ABHD3: variants seen among roughly 807,000 people sequenced by gnomAD.
ABHD3 encodes the protein phospholipase ABHD3.
In ABHD3, 46 loss-of-function variants were observed where a neutral mutation model predicts 48.8. The ratio of observed to expected loss-of-function variants is 0.94; its 90% CI spans 0.74 to 1.20. The LOEUF (loss-of-function observed/expected upper bound fraction) is 1.20, where lower values mean the gene tolerates loss of function less well. Among genes scored for constraint, ABHD3 ranks in the 50% most tolerant of loss-of-function variants. The pLI is 0.00. For synonymous variants in ABHD3, 192 were observed against 183.7 expected (o/e 1.04, Z -0.36); for missense variants, 490 against 497.8 (o/e 0.98, Z 0.15).
At chr18:21,685,583 C>T (rs377144642) in intron 3 of ABHD3, among the ~76,000 whole-genome samples, 164 of 152,330 alleles carry the variant, frequency 1.1e-3, no homozygotes, top group African/African-American at 3.5e-3. Context: ...GGCTGGAGTG[C>T]GGTGGCGCGG....
intron 3 of ABHD3, among the ~76,000 whole-genome samples, chr18:21,698,379 G>A (rs987540911): frequency 4.0e-5 from 6 of 151,612 alleles, no homozygotes; most frequent in Non-Finnish European, 5.9e-5. Context: ...TAGAGACGGG[G>A]TTTCACCATG....
intron 4 of ABHD3, among the ~76,000 whole-genome samples, chr18:21,677,306 T>C (rs1310190784): frequency 6.6e-6 from 1 of 151,988 alleles, no homozygotes; most frequent in East Asian, 1.9e-4. Flanking sequence ...GCCATTCTCC[T>C]GCCTCAACCT....
At chr18:21,695,973 C>A (rs1258648052) in intron 3 of ABHD3, among the ~76,000 whole-genome samples, 1 of 151,986 alleles carries the variant, frequency 6.6e-6, no homozygotes, top group African/African-American at 2.4e-5. Context: ...CTGGATGGGT[C>A]ATTCTTGTTA....
rs750640515 is a variant in ABHD3 at position 21,702,395 on chromosome 18, A to G, written c.430T>C (p.Leu144=). 7 of 1,614,100 alleles carry G rather than the reference A, an allele frequency of 4.3e-6. No individual in the cohort carries two copies. Among genetic ancestry groups the G allele is most frequent in the South Asian group, 2.2e-5 (2 of 91,062 alleles). The change falls in exon 3 of 9, where the codon TTG becomes CTG. Residue 144 remains leucine (L), a synonymous_variant. Transcript: ENST00000289119. The stretch of plus-strand genomic sequence containing the variant: ...CTTGTTCCCGTGAGGCCAGGCAACA[A>G]TAAGATAGTAGGTCTGGTGCTGGCA... ...MDASTRPTIL[L]LPGLTGTSKE... is the part of the protein sequence containing the mutation.
At chr18:21,677,506 G>A (rs754148103) in intron 4 of ABHD3, among the ~76,000 whole-genome samples, 29 of 151,534 alleles carry the variant, frequency 1.9e-4, no homozygotes, top group Non-Finnish European at 4.1e-4. Flanking sequence ...ATGCCCAGCC[G>A]ACTTCATTCC....
At chr18:21,659,391 CA>C in intron 5 of ABHD3, 48 bp from the exon 6 acceptor site, 1 of 1,546,046 alleles carries the variant, frequency 6.5e-7, no homozygotes, top group South Asian at 1.2e-5. Context: ...TGTTGTATCA[CA>C]GAAGACATCC....
At chr18:21,654,367 C>T (rs2039297668) in intron 8 of ABHD3, among the ~76,000 whole-genome samples, 1 of 152,120 alleles carries the variant, frequency 6.6e-6, no homozygotes, top group South Asian at 2.1e-4. Flanking sequence ...TGTAAGAGAA[C>T]TGGGGCCCTT....
At position 21,659,432 on chromosome 18, in the gene ABHD3, T is replaced by A. The variant is rs2039433691; in HGVS notation, c.669-89A>T. ...CTAACTACAGACTTTATGTTAACTATGGAGAAGAAAAATATAAACTAGTGT... is the reference window on the plus strand; with the variant it reads ...CTAACTACAGACTTTATGTTAACTAAGGAGAAGAAAAATATAAACTAGTGT... On this transcript the variant is annotated intron_variant, in intron 5 of 8. Transcript: ENST00000289119. 25 of 1,325,520 alleles carry A rather than the reference T, an allele frequency of 1.9e-5. No homozygotes were observed. In the South Asian group the frequency reaches 3.0e-4, roughly 16 times the overall value. 82.1% of individuals were successfully genotyped at this position (1,325,520 alleles called of 1,614,324 possible).
Position 21,677,724 on chromosome 18 carries a change from G to A in ABHD3, c.555+6196C>T, listed in dbSNP as rs868355935. On this transcript the variant is annotated intron_variant, in intron 4 of 8. Transcript: ENST00000289119. ...TTTTGAGACGGAGTCTTGCTCTGTC[G>A]CCAGGCTGGAGTGCAGTGGCGTGAT... 3.4e-4 allele frequency among the ~76,000 whole-genome samples: 51 copies of A among 151,018 alleles called. 1 individual carries two copies. Among genetic ancestry groups the A allele is most frequent in the South Asian group, 1.0e-3 (5 of 4,780 alleles).
chr18:21,665,711 C>G (rs993536343), intron 4 of ABHD3, among the ~76,000 whole-genome samples: 3 of 151,460 alleles, frequency 2.0e-5, no homozygotes, highest in Admixed American at 6.6e-5. Flanking sequence ...ACTCAGGAGG[C>G]TGAGGCAGGA....
rs1032607157 is a variant in ABHD3, at chr18:21,654,414, A to T, written c.1057+2447T>A. ...CTGTTTAGACAGTGCTCTAAATTTG[A>T]CCCTTCATAACACTCTAAAGAATAA... is the stretch of plus-strand genomic sequence containing the variant. On this transcript the variant is annotated intron_variant, in intron 8 of 8. Transcript: ENST00000289119. 7.2e-5 allele frequency among the ~76,000 whole-genome samples: 11 copies of T among 152,074 alleles called. No homozygotes were observed. In the East Asian group the frequency reaches 2.1e-3, roughly 29 times the overall value.
rs1308988201 is a variant in ABHD3 at position 21,704,660 on chromosome 18, C to T, written c.6G>A (p.Gln2=). The T allele has an allele frequency of 4.0e-6, 6 of 1,502,700 alleles. No homozygotes were observed. In the African/African-American group the frequency reaches 9.0e-5, roughly 23 times the overall value. The allele number at this position is 1,502,700 out of a possible 1,614,324, so 93.1% of individuals were successfully genotyped here. A position where few individuals can be genotyped will look rare whatever the true frequency, so the allele number is the denominator to read the frequency against. M[Q]RLAMDLRMLS... is the part of the protein sequence containing the mutation. Reference sequence around the variant, plus strand: ...ACATCCGCAGGTCCATGGCCAGGCGCTGCATGGCCCCCGAGCGCGGCGCGC... The same window carrying T: ...ACATCCGCAGGTCCATGGCCAGGCGTTGCATGGCCCCCGAGCGCGGCGCGC... The change falls in exon 1 of 9, where the codon CAG becomes CAA. Residue 2 remains glutamine, a synonymous_variant. Transcript: ENST00000289119.
intron 4 of ABHD3, among the ~76,000 whole-genome samples, chr18:21,681,055 A>G (rs2039996222): frequency 6.6e-6 from 1 of 150,824 alleles, no homozygotes; most frequent in African/African-American, 2.4e-5. Context: ...CTAACCACCA[A>G]TCTCCCCTTT....
intron 4 of ABHD3, chr18:21,683,529 C>A: frequency 1.9e-6 from 1 of 512,916 alleles, no homozygotes; most frequent in Non-Finnish European, 4.0e-6. Context: ...AAAATGAGGC[C>A]TTCTCTTCCC....
chr18:21,698,147 G>A (rs144068004), intron 3 of ABHD3, among the ~76,000 whole-genome samples: 175 of 152,072 alleles, frequency 1.2e-3, no homozygotes, highest in African/African-American at 3.9e-3. Context: ...TATCCCAAGA[G>A]GTAGATTTGC....
chr18:21,678,603 A>C (rs2146311319), intron 4 of ABHD3, among the ~76,000 whole-genome samples: 1 of 138,566 alleles, frequency 7.2e-6, no homozygotes, highest in East Asian at 2.0e-4. Flanking sequence ...GCTTTCAACA[A>C]ATCTTGGCTG....
Position 21,651,557 on chromosome 18 carries a change from T to C in ABHD3, c.*34A>G. On this transcript the variant is annotated 3_prime_UTR_variant, in exon 9 of 9. Coordinates refer to ENST00000289119, the MANE Select transcript of ABHD3 (RefSeq NM_138340.5). Reference sequence around the variant, plus strand: ...CTAAGCTGAGCTGCCTTCACAATTGTGGTTCAGACAAAATGCACCCAAAGA... The same window carrying C: ...CTAAGCTGAGCTGCCTTCACAATTGCGGTTCAGACAAAATGCACCCAAAGA... 6.2e-7 allele frequency: 1 copy of C among 1,611,896 alleles called. No homozygotes were observed.
intron 4 of ABHD3, among the ~76,000 whole-genome samples, chr18:21,666,369 T>G (rs1187886986): frequency 6.6e-6 from 1 of 152,160 alleles, no homozygotes; most frequent in Non-Finnish European, 1.5e-5. Flanking sequence ...AATTTTTGTA[T>G]TTTTAGTAGA....
chr18:21,655,753 T>C (rs1598506976), intron 8 of ABHD3, among the ~76,000 whole-genome samples: 4 of 150,918 alleles, frequency 2.7e-5, no homozygotes, highest in Admixed American at 2.0e-4. Context: ...GGCAGGAGAA[T>C]TGCTTGAACT....
Sources: allele counts gnomAD v4.1 joint callset (sites outside exome capture counted in the v4.1 genomes callset), GRCh38; gene constraint gnomAD v4.1.1; transcripts MANE v1.5; gene names NCBI Gene and HGNC (gene_info 2026-07-23, HGNC 2026-07-21).